Variants in LARGE1 observed in about 807,000 individuals in gnomAD.
LARGE1 encodes the protein LARGE xylosyl- and glucuronyltransferase 1.
Under a neutral mutation model 87.6 loss-of-function variants are expected in LARGE1, and 43 were observed. The observed-to-expected ratio is 0.49, with a 90% confidence interval of 0.38 to 0.63. The LOEUF is 0.63. Among genes scored for constraint, LARGE1 ranks in the 30% least tolerant of loss-of-function variants. LARGE1 has a pLI of 0.00. For synonymous variants in LARGE1, 434 were observed against 394.6 expected (o/e 1.10, Z -1.18); for missense variants, 802 against 1,000.2 (o/e 0.80, Z 2.67).
At chr22:33,528,686 T>C (rs950540523) in intron 6 of LARGE1, among the ~76,000 whole-genome samples, 4 of 152,110 alleles carry the variant, frequency 2.6e-5, no homozygotes, top group Admixed American at 2.6e-4. Flanking sequence ...GGGCTGGTTT[T>C]TGTCAATCCC....
intron 6 of LARGE1, among the ~76,000 whole-genome samples, chr22:33,511,423 G>A (rs1487563142): frequency 6.6e-6 from 1 of 152,150 alleles, no homozygotes; most frequent in Non-Finnish European, 1.5e-5. Context: ...GAGTGAGGGG[G>A]GATTCAGCTT....
intron 6 of LARGE1, among the ~76,000 whole-genome samples, chr22:33,474,533 C>A (rs2068989763): frequency 6.6e-6 from 1 of 152,180 alleles, no homozygotes; most frequent in South Asian, 2.1e-4. Flanking sequence ...AGACATGGCG[C>A]TTACCCCCTT....
At chr22:33,281,328 G>A (rs1930403570) in intron 13 of LARGE1, among the ~76,000 whole-genome samples, 1 of 152,034 alleles carries the variant, frequency 6.6e-6, no homozygotes, top group Admixed American at 6.6e-5. Flanking sequence ...CTTATATTAA[G>A]GTTTGGTTTG....
chr22:33,269,575 G>C (rs1928134400), downstream of LARGE1, among the ~76,000 whole-genome samples: 1 of 152,110 alleles, frequency 6.6e-6, no homozygotes, highest in Admixed American at 6.6e-5. Flanking sequence ...TCAAAGCTTT[G>C]CTCTCAGTGA....
intron 5 of LARGE1, among the ~76,000 whole-genome samples, chr22:33,575,054 G>A (rs1332214889): frequency 6.6e-6 from 1 of 152,140 alleles, no homozygotes; most frequent in Non-Finnish European, 1.5e-5. Context: ...CCTATTGAGA[G>A]GTTACAATTC....
intron 11 of LARGE1, among the ~76,000 whole-genome samples, chr22:33,307,606 T>G (rs1935076430): frequency 6.6e-6 from 1 of 152,116 alleles, no homozygotes; most frequent in East Asian, 1.9e-4. Flanking sequence ...ATTTGTTATT[T>G]CCAATGCATC....
At chr22:33,649,834 G>A (rs1224730703) in intron 3 of LARGE1, among the ~76,000 whole-genome samples, 1 of 152,184 alleles carries the variant, frequency 6.6e-6, no homozygotes, top group African/African-American at 2.4e-5. Flanking sequence ...GAGCTGCTAA[G>A]AAAGAAAGCA....
chr22:33,340,494 G>A (rs945697834), intron 9 of LARGE1, among the ~76,000 whole-genome samples: 4 of 151,878 alleles, frequency 2.6e-5, no homozygotes, highest in Admixed American at 2.0e-4. Context: ...TGCACTGTGA[G>A]GTGGCCCTGG....
At chr22:33,599,799 G>A (rs2079069052) in intron 5 of LARGE1, among the ~76,000 whole-genome samples, 1 of 152,208 alleles carries the variant, frequency 6.6e-6, no homozygotes, top group Non-Finnish European at 1.5e-5. Flanking sequence ...GGTGTCTGCT[G>A]AGGGTACCAT....
intron 1 of LARGE1, among the ~76,000 whole-genome samples, chr22:33,767,041 C>T (rs1310673551): frequency 6.7e-6 from 1 of 150,240 alleles, no homozygotes; most frequent in Non-Finnish European, 1.5e-5. Context: ...TGGCCAGGCA[C>T]AGTGGCTCAC....
intron 11 of LARGE1, among the ~76,000 whole-genome samples, chr22:33,220,389 G>T (rs1226091503): frequency 6.6e-6 from 1 of 151,974 alleles, no homozygotes; most frequent in African/African-American, 2.4e-5. Context: ...AATCAAAGAA[G>T]AACAGAAAAA....
chr22:33,226,726 AT>A (rs1011361782), intron 11 of LARGE1, among the ~76,000 whole-genome samples: 2 of 115,072 alleles, frequency 1.7e-5, no homozygotes, highest in Non-Finnish European at 3.5e-5. Flanking sequence ...TATTATTATT[AT>A]TTATTATTAT....
At chr22:33,500,828 C>T (rs1227089017) in intron 6 of LARGE1, among the ~76,000 whole-genome samples, 2 of 152,202 alleles carry the variant, frequency 1.3e-5, no homozygotes, top group African/African-American at 2.4e-5. Context: ...GTGGCTTTCA[C>T]AGAAGCCCAT....
chr22:33,205,966 T>TTTG (rs1366390505), intron 11 of LARGE1, among the ~76,000 whole-genome samples: 347 of 148,180 alleles, frequency 2.3e-3, no homozygotes, highest in African/African-American at 8.2e-3. Context: ...TTTTTTTTTT[T>TTTG]TTTTGTGAGA....
chr22:33,325,801 T>G (rs1359908912), intron 10 of LARGE1, among the ~76,000 whole-genome samples: 2 of 152,248 alleles, frequency 1.3e-5, no homozygotes, highest in Non-Finnish European at 2.9e-5. Context: ...ACTTTCAACT[T>G]GCTTTCACTT....
At chr22:33,819,929 C>CGTGA (rs2086769645) in intron 1 of LARGE1, among the ~76,000 whole-genome samples, 1 of 152,152 alleles carries the variant, frequency 6.6e-6, no homozygotes, top group African/African-American at 2.4e-5. Flanking sequence ...ACATGTGCAG[C>CGTGA]GTGATGTGGG....
intron 10 of LARGE1, among the ~76,000 whole-genome samples, chr22:33,317,817 G>A (rs918384971): frequency 6.6e-6 from 1 of 152,172 alleles, no homozygotes; most frequent in African/African-American, 2.4e-5. Flanking sequence ...CATGTGGGGT[G>A]GGGGAGTGAA....
At chr22:33,342,183 G>T (rs962190121) in intron 9 of LARGE1, among the ~76,000 whole-genome samples, 2 of 152,206 alleles carry the variant, frequency 1.3e-5, no homozygotes, top group Non-Finnish European at 1.5e-5. Flanking sequence ...CACCCAGTGG[G>T]GGGATCGTGT....
chr22:33,529,924 G>A (rs2072111126), intron 6 of LARGE1, among the ~76,000 whole-genome samples: 1 of 152,176 alleles, frequency 6.6e-6, no homozygotes, highest in Non-Finnish European at 1.5e-5. Context: ...TGTTTTGGCA[G>A]CAGCGGGAGA....
Sources: gnomAD v4.1 joint callset for allele counts (sites outside exome capture counted in the v4.1 genomes callset) on GRCh38, gnomAD v4.1.1 for gene constraint, MANE v1.5 for transcripts, NCBI Gene and HGNC (gene_info 2026-07-23, HGNC 2026-07-21) for gene names.